TSNARE1: variants seen among roughly 807,000 people sequenced by gnomAD.
TSNARE1 encodes the protein t-SNARE domain containing 1.
In TSNARE1, 49 loss-of-function variants were observed where a neutral mutation model predicts 62.0. The observed-to-expected ratio is 0.79, with a 90% CI of 0.63 to 1.00. The LOEUF (loss-of-function observed/expected upper bound fraction) is 1.00, where lower values mean the gene tolerates loss of function less well. TSNARE1 is among the 50% of genes least tolerant of loss of function. The pLI, the probability that TSNARE1 is intolerant of heterozygous loss-of-function variation, is 0.00. For synonymous variants in TSNARE1, 328 were observed against 294.4 expected (o/e 1.11, Z -1.17); for missense variants, 755 against 700.1 (o/e 1.08, Z -0.88).
upstream of TSNARE1, chr8:142,405,778 C>G (rs1212365845): frequency 1.3e-5 from 2 of 151,970 alleles, no homozygotes; most frequent in African/African-American, 4.9e-5. Flanking sequence ...CAGCCCCTGC[C>G]TGGACAGGAG....
intron 12 of TSNARE1, among the ~76,000 whole-genome samples, chr8:142,247,219 C>G (rs1817922888): frequency 6.6e-6 from 1 of 152,158 alleles, no homozygotes; most frequent in Non-Finnish European, 1.5e-5. Context: ...CACGAAACTT[C>G]AGCCCATGAG....
At chr8:142,270,490 A>G in intron 12 of TSNARE1, 1 of 895,040 alleles carries the variant, frequency 1.1e-6, no homozygotes, top group Non-Finnish European at 1.3e-6. Context: ...GCATATATAT[A>G]TATATATATA....
chr8:142,226,519 G>A (rs887738838), intron 13 of TSNARE1, among the ~76,000 whole-genome samples: 3 of 152,146 alleles, frequency 2.0e-5, no homozygotes, highest in African/African-American at 7.2e-5. Flanking sequence ...ACTCAGAGCT[G>A]GGAGGGGGAC....
intron 13 of TSNARE1, among the ~76,000 whole-genome samples, chr8:142,222,819 C>G (rs796118617): frequency 0.028 from 3,340 of 120,754 alleles, 833 homozygotes; most frequent in African/African-American, 0.13. Flanking sequence ...CATTCACTCA[C>G]TCACTCACTC....
intron 7 of TSNARE1, 80 bp downstream of exon 7, chr8:142,318,464 C>T (rs779140213): frequency 5.7e-6 from 8 of 1,395,120 alleles, no homozygotes; most frequent in African/African-American, 5.7e-5. Context: ...TATCCTGCCT[C>T]GTGTGACATC....
At chr8:142,389,498 A>C (rs941193649) in intron 1 of TSNARE1, among the ~76,000 whole-genome samples, 1 of 152,260 alleles carries the variant, frequency 6.6e-6, no homozygotes, top group African/African-American at 2.4e-5. Flanking sequence ...ATCACACTTA[A>C]ACATGTGCAA....
intron 12 of TSNARE1, among the ~76,000 whole-genome samples, chr8:142,241,140 C>G (rs1265230973): frequency 6.6e-6 from 1 of 152,204 alleles, no homozygotes; most frequent in Non-Finnish European, 1.5e-5. Context: ...CCACACAAAA[C>G]CTGTCAGAAG....
At chr8:142,333,601 G>T (rs564829332) in intron 4 of TSNARE1, among the ~76,000 whole-genome samples, 1 of 152,240 alleles carries the variant, frequency 6.6e-6, no homozygotes, top group South Asian at 2.1e-4. Flanking sequence ...ACCAGGACAA[G>T]GCCCAAGCCC....
rs188031835 is a variant in TSNARE1, at chr8:142,223,753, G to A, written c.*11+5720C>T. ...AAGTCAACAGCTACCAAAGACCAAT[G>A]TGGAAGGTGCTTCTGCAGGTGCAGG... On this transcript the variant is annotated intron_variant, in intron 13 of 13. Coordinates refer to ENST00000524325, the MANE Select transcript of TSNARE1 (RefSeq NM_145003.5). Among the ~76,000 whole-genome samples, 216 of 152,340 alleles carry A rather than the reference G, an allele frequency of 1.4e-3. 1 individual carries two copies. Among genetic ancestry groups the A allele is most frequent in the Non-Finnish European group, 4.0e-4 (27 of 68,032 alleles).
chr8:142,398,491 G>A (rs67369398), intron 1 of TSNARE1, among the ~76,000 whole-genome samples: 22,770 of 151,104 alleles, frequency 0.15, 2,426 homozygotes, highest in African/African-American at 0.29. Context: ...TCACTCCACC[G>A]CCTCAACCTT....
chr8:142,270,856 G>A (rs1303641192), intron 12 of TSNARE1: 11 of 985,304 alleles, frequency 1.1e-5, no homozygotes, highest in East Asian at 1.1e-4. Context: ...CCCACAGGTC[G>A]GCTCTCTGCA....
chr8:142,266,142 GC>G (rs1254505094), intron 12 of TSNARE1, among the ~76,000 whole-genome samples: 1 of 152,132 alleles, frequency 6.6e-6, no homozygotes, highest in Non-Finnish European at 1.5e-5. Context: ...TAACTCCCCT[GC>G]AAATACAAGG....
At chr8:142,263,981 A>C (rs1024950105) in intron 12 of TSNARE1, among the ~76,000 whole-genome samples, 4 of 152,112 alleles carry the variant, frequency 2.6e-5, no homozygotes, top group African/African-American at 9.7e-5. Flanking sequence ...CTTTGGGTTC[A>C]TTCTGTTGTT....
chr8:142,354,109 G>A (rs1834483903), intron 2 of TSNARE1, among the ~76,000 whole-genome samples: 1 of 152,114 alleles, frequency 6.6e-6, no homozygotes, highest in Admixed American at 6.5e-5. Flanking sequence ...GACCTAAGTG[G>A]GGCCAGCCTG....
chr8:142,330,279 C>T (rs1830824722), intron 6 of TSNARE1, among the ~76,000 whole-genome samples: 1 of 152,298 alleles, frequency 6.6e-6, no homozygotes, highest in Admixed American at 6.5e-5. Context: ...AGGGCAGGTG[C>T]TCCCTTCCCC....
At chr8:142,341,520 G>A (rs184257895) in intron 4 of TSNARE1, among the ~76,000 whole-genome samples, 275 of 152,306 alleles carry the variant, frequency 1.8e-3, no homozygotes, top group African/African-American at 5.8e-3. Context: ...CCTCCAACCC[G>A]AAGCAGAGTG....
intron 4 of TSNARE1, among the ~76,000 whole-genome samples, chr8:142,336,282 C>CAA (rs749299318): frequency 0.029 from 706 of 24,610 alleles, 34 homozygotes; most frequent in East Asian, 0.048. Context: ...GACCCTGTCT[C>CAA]AAAAAAAAAA....
At chr8:142,240,748 T>TCAAA (rs1817639066) in intron 12 of TSNARE1, among the ~76,000 whole-genome samples, 1 of 152,018 alleles carries the variant, frequency 6.6e-6, no homozygotes, top group Non-Finnish European at 1.5e-5. Context: ...AAGTAATGGG[T>TCAAA]CAAAGAAAAA....
intron 4 of TSNARE1, among the ~76,000 whole-genome samples, chr8:142,335,740 C>G (rs1326365522): frequency 6.6e-6 from 1 of 152,182 alleles, no homozygotes; most frequent in African/African-American, 2.4e-5. Context: ...CTCGTCCACT[C>G]CAGTAGCCAT....
Sources: gnomAD v4.1 joint callset for allele counts (sites outside exome capture counted in the v4.1 genomes callset) on GRCh38, gnomAD v4.1.1 for gene constraint, MANE v1.5 for transcripts, NCBI Gene and HGNC (gene_info 2026-07-23, HGNC 2026-07-21) for gene names.